Variants in ARHGEF33 observed in about 807,000 individuals in gnomAD.
ARHGEF33 encodes the protein DH and coiled-coil domain-containing protein ENSP00000381780.
ARHGEF33 carries 72 observed loss-of-function variants against 101.9 expected under a neutral mutation model. The ratio of observed to expected loss-of-function variants is 0.71; its 90% CI spans 0.58 to 0.86. The LOEUF (loss-of-function observed/expected upper bound fraction) is 0.86. Among genes scored for constraint, ARHGEF33 ranks in the 40% least tolerant of loss-of-function variants. The pLI is 0.00. For synonymous variants in ARHGEF33, 499 were observed against 442.5 expected, an observed-to-expected ratio of 1.13 and a Z score of -1.60; for missense variants, 1,169 against 1,111.3, an observed-to-expected ratio of 1.05 and a Z score of -0.74.
At chr2:38,910,828 G>A (rs1000461535) in intron 2 of ARHGEF33, among the ~76,000 whole-genome samples, 48 of 152,208 alleles carry the variant, frequency 3.2e-4, no homozygotes, top group African/African-American at 1.1e-3. Flanking sequence ...TTTTTTTAGT[G>A]ACAATGGTAC....
intron 4 of ARHGEF33, among the ~76,000 whole-genome samples, chr2:38,924,130 A>G (rs893409044): frequency 2.6e-5 from 4 of 152,206 alleles, no homozygotes; most frequent in African/African-American, 9.6e-5. Flanking sequence ...GAAAATTAGC[A>G]AAGAACACAG....
rs1211067796 is a variant in ARHGEF33 at position 38,960,240 on chromosome 2, T to G, written c.1935T>G (p.Pro645=). 6.5e-7 allele frequency: 1 copy of G among 1,547,958 alleles called. No homozygotes were observed. Among genetic ancestry groups the G allele is most frequent in the Admixed American group, 2.0e-5 (1 of 50,958 alleles). The part of the protein sequence containing the change: ...QAPALFENCS[P]ASSESSLDIC... ...CGGCCCTCTTCGAGAACTGCTCGCC[T>G]GCCTCCTCCGAGTCCAGCCTGGACA... Residue 645 remains proline (P), a synonymous_variant, in exon 16 of 18, where the codon CCT becomes CCG. Coordinates refer to ENST00000409978, the MANE Select transcript of ARHGEF33 (RefSeq NM_001145451.5).
rs1029972670 is a variant in ARHGEF33 at position 38,954,495 on chromosome 2, G to T, written c.1221+39G>T. The T allele has an allele frequency of 7.2e-6, 9 of 1,251,630 alleles. No homozygotes were observed. In the East Asian group the frequency reaches 2.3e-4, roughly 32 times the overall value. 77.5% of individuals were successfully genotyped at this position (1,251,630 alleles called of 1,614,324 possible). ...GGAAAGCCACCAAACTGATTTGCAT[G>T]CTAAGTAATTATTGGTTTTGGCTCC... On this transcript the variant is annotated intron_variant, in intron 13 of 17. Coordinates refer to ENST00000409978, the MANE Select transcript of ARHGEF33 (RefSeq NM_001145451.5).
At chr2:38,933,780 G>C (rs1393795151) in intron 7 of ARHGEF33, among the ~76,000 whole-genome samples, 2 of 152,112 alleles carry the variant, frequency 1.3e-5, no homozygotes, top group Admixed American at 1.3e-4. Flanking sequence ...TAAGGGAAAG[G>C]ATTACATAAG....
At chr2:38,901,766 T>C (rs910289134) in intron 2 of ARHGEF33, among the ~76,000 whole-genome samples, 3 of 152,206 alleles carry the variant, frequency 2.0e-5, no homozygotes, top group African/African-American at 7.2e-5. Context: ...ACTTGGGATT[T>C]GAATTCACAT....
chr2:38,909,136 G>A (rs1165190011), intron 2 of ARHGEF33, among the ~76,000 whole-genome samples: 1 of 152,154 alleles, frequency 6.6e-6, no homozygotes. Context: ...GTTAACTAAG[G>A]AGGGGTGATG....
chr2:38,940,814 A>T (rs557360808), intron 9 of ARHGEF33, among the ~76,000 whole-genome samples: 1 of 152,300 alleles, frequency 6.6e-6, no homozygotes, highest in East Asian at 1.9e-4. Flanking sequence ...CTCCCTGAAA[A>T]TTCAGAGACT....
chr2:38,929,617 A>C (rs1391611632), intron 5 of ARHGEF33, 92 bp from the exon 6 acceptor site: 12 of 989,514 alleles, frequency 1.2e-5, no homozygotes, highest in Non-Finnish European at 1.6e-5. Context: ...TTCATTCAAT[A>C]AATATGTATT....
chr2:38,966,520 G>C (rs1668054828), intron 17 of ARHGEF33, among the ~76,000 whole-genome samples: 1 of 152,150 alleles, frequency 6.6e-6, no homozygotes, highest in South Asian at 2.1e-4. Context: ...TGCTCCATCA[G>C]ATCTCCCCAT....
At chr2:38,925,638 T>A (rs976936089) in intron 4 of ARHGEF33, among the ~76,000 whole-genome samples, 2 of 152,218 alleles carry the variant, frequency 1.3e-5, no homozygotes, top group African/African-American at 4.8e-5. Flanking sequence ...AAGATGGAAG[T>A]TGGCAGAAAA....
rs1323857602 is a variant in ARHGEF33 at position 38,966,115 on chromosome 2, G to A, written c.2453G>A (p.Arg818His). The A allele has an allele frequency of 1.9e-6, 3 of 1,551,658 alleles. No homozygotes were observed. Among genetic ancestry groups the A allele is most frequent in the Non-Finnish European group, 2.6e-6 (3 of 1,146,992 alleles). Residue 818 changes from arginine (R) to histidine (H), a missense_variant, in exon 17 of 18, where the codon CGC becomes CAC. Transcript: ENST00000409978. ...AGGCAAGACCAGAAGGGGGGCTTTC[G>A]CAGCTCCTTCCGCAAGCTCTTTAAA... is the stretch of plus-strand genomic sequence containing the variant. ...NPRQDQKGGF[R>H]SSFRKLFKKK...
intron 17 of ARHGEF33, among the ~76,000 whole-genome samples, chr2:38,967,156 A>G (rs1668067051): frequency 6.6e-6 from 1 of 152,142 alleles, no homozygotes; most frequent in Non-Finnish European, 1.5e-5. Context: ...GCTGATTTAG[A>G]CTGTGGTCCT....
chr2:38,922,551 G>T (rs1232126396), intron 4 of ARHGEF33, among the ~76,000 whole-genome samples: 2 of 152,138 alleles, frequency 1.3e-5, no homozygotes, highest in African/African-American at 4.8e-5. Flanking sequence ...CTAGACTCAG[G>T]CCAGCTATAG....
rs1468512028 is a variant in ARHGEF33 at position 38,974,407 on chromosome 2, G to A, written c.*564G>A. The A allele has an allele frequency of 2.0e-5, 3 of 152,150 alleles. No homozygotes were observed. Among genetic ancestry groups the A allele is most frequent in the Non-Finnish European group, 4.4e-5 (3 of 68,034 alleles). 9.4% of individuals were successfully genotyped at this position (152,150 alleles called of 1,614,324 possible). A position where few individuals can be genotyped will look rare whatever the true frequency, so the allele number is the denominator to read the frequency against. On this transcript the variant is annotated 3_prime_UTR_variant, in exon 18 of 18. Coordinates refer to ENST00000409978, the MANE Select transcript of ARHGEF33 (RefSeq NM_001145451.5). ...TTTATATGTTGCATATCTGAGTTAT[G>A]GAGAATTTGTGCTTAAACCATGATT...
intron 7 of ARHGEF33, among the ~76,000 whole-genome samples, chr2:38,931,899 T>G (rs1355836231): frequency 6.6e-6 from 1 of 152,204 alleles, no homozygotes; most frequent in Non-Finnish European, 1.5e-5. Context: ...TTCCTCTTAT[T>G]TATGGTCTCA....
chr2:38,901,337 T>C (rs1666232818), intron 2 of ARHGEF33, among the ~76,000 whole-genome samples: 1 of 152,184 alleles, frequency 6.6e-6, no homozygotes, highest in Admixed American at 6.5e-5. Context: ...CATCCCGCTC[T>C]AACACCAACT....
intron 2 of ARHGEF33, among the ~76,000 whole-genome samples, chr2:38,904,638 C>T (rs1449730989): frequency 6.9e-6 from 1 of 145,084 alleles, no homozygotes; most frequent in African/African-American, 2.5e-5. Flanking sequence ...ACCTGGGAGG[C>T]AGAGGTGAGC....
intron 2 of ARHGEF33, among the ~76,000 whole-genome samples, chr2:38,911,472 C>T (rs1445225198): frequency 1.3e-5 from 2 of 152,090 alleles, no homozygotes; most frequent in African/African-American, 4.8e-5. Flanking sequence ...ATAGACAATC[C>T]TCAGTTTTTG....
At chr2:38,908,836 A>G (rs1167449611) in intron 2 of ARHGEF33, among the ~76,000 whole-genome samples, 7 of 152,224 alleles carry the variant, frequency 4.6e-5, no homozygotes, top group Non-Finnish European at 7.3e-5. Context: ...TATTTCTGCC[A>G]GTGGAACTTT....
Sources: allele counts gnomAD v4.1 joint callset (sites outside exome capture counted in the v4.1 genomes callset), GRCh38; gene constraint gnomAD v4.1.1; transcripts MANE v1.5; gene names NCBI Gene and HGNC (gene_info 2026-07-23, HGNC 2026-07-21).